The following OSBPL11 variants were observed in gnomAD, a reference collection of about 807,000 sequenced individuals.
The protein encoded by OSBPL11 is oxysterol binding protein like 11.
A neutral mutation model predicts 84.4 loss-of-function variants in OSBPL11; 33 were observed. The observed-to-expected ratio is 0.39, with a 90% CI of 0.30 to 0.52. OSBPL11 has a LOEUF of 0.52. Among genes scored for constraint, OSBPL11 ranks in the 20% least tolerant of loss-of-function variants. The pLI is 0.72. For synonymous variants in OSBPL11, 276 were observed against 310.2 expected, an observed-to-expected ratio of 0.89 and a Z score of 1.16; for missense variants, 736 against 901.1, an observed-to-expected ratio of 0.82 and a Z score of 2.35.
chr3:125,535,109 T>C (rs990819831), intron 11 of OSBPL11, among the ~76,000 whole-genome samples: 2 of 151,878 alleles, frequency 1.3e-5, no homozygotes, highest in Admixed American at 6.6e-5. Flanking sequence ...AATAAACTTT[T>C]AGTCACACTG....
intron 1 of OSBPL11, among the ~76,000 whole-genome samples, chr3:125,588,484 T>C (rs1936548941): frequency 6.6e-6 from 1 of 152,166 alleles, no homozygotes; most frequent in Non-Finnish European, 1.5e-5. Flanking sequence ...TATCTACCTA[T>C]TGGTTCTATT....
chr3:125,566,349 A>C (rs909033636), intron 6 of OSBPL11, among the ~76,000 whole-genome samples: 4 of 151,966 alleles, frequency 2.6e-5, no homozygotes, highest in Admixed American at 6.6e-5. Context: ...TTTCTTCCCT[A>C]AGTGGACTAT....
At chr3:125,575,687 C>A (rs1344645199) in intron 5 of OSBPL11, among the ~76,000 whole-genome samples, 1 of 147,466 alleles carries the variant, frequency 6.8e-6, no homozygotes. Flanking sequence ...ACACCACCAC[C>A]CCCAGCTAAA....
At chr3:125,539,208 C>T (rs1489172801) in intron 10 of OSBPL11, among the ~76,000 whole-genome samples, 1 of 147,732 alleles carries the variant, frequency 6.8e-6, no homozygotes, top group African/African-American at 2.5e-5. Context: ...ATTAAAAGAG[C>T]ACTGGTCTAC....
chr3:125,552,159 A>G (rs750032510), intron 9 of OSBPL11, 22 bp downstream of exon 9: 2 of 1,355,676 alleles, frequency 1.5e-6, no homozygotes, highest in Non-Finnish European at 2.0e-6. Flanking sequence ...ATATATATAT[A>G]TAAAATAATT....
intron 11 of OSBPL11, among the ~76,000 whole-genome samples, chr3:125,537,442 G>A (rs1480143449): frequency 1.3e-5 from 2 of 152,168 alleles, no homozygotes; most frequent in Non-Finnish European, 2.9e-5. Flanking sequence ...TGAACTTGCA[G>A]ATGCCCTGAA....
Position 125,532,008 on chromosome 3 carries a change from C to T in OSBPL11, c.2031G>A (p.Leu677=), listed in dbSNP as rs895159108. Residue 677 remains leucine (L), a synonymous_variant, in exon 12 of 13, where the codon TTG becomes TTA. Coordinates refer to ENST00000296220, the MANE Select transcript of OSBPL11 (RefSeq NM_022776.5). ...TCAGCGAGTCTGTCACATTTTTCCACAATCGCCTGAAATCCAAAAACCACA... is the reference window on the plus strand; with the variant it reads ...TCAGCGAGTCTGTCACATTTTTCCATAATCGCCTGAAATCCAAAAACCACA... ...EKQDPFESRR[L]WKNVTDSLRE... is the part of the protein sequence containing the mutation. The T allele has an allele frequency of 3.1e-6, 5 of 1,600,966 alleles. No individual in the cohort carries two copies. The African/African-American group carries it at 4.0e-5, about 13-fold the overall frequency.
intron 8 of OSBPL11, among the ~76,000 whole-genome samples, chr3:125,560,058 GA>G (rs1296640554): frequency 1.3e-5 from 2 of 151,906 alleles, no homozygotes; most frequent in Non-Finnish European, 1.5e-5. Context: ...TCAGGAGCTC[GA>G]GACCCGCCTG....
At chr3:125,585,719 G>A in intron 1 of OSBPL11, among the ~76,000 whole-genome samples, 1 of 152,158 alleles carries the variant, frequency 6.6e-6, no homozygotes, top group East Asian at 1.9e-4. Flanking sequence ...GGAACAGCTG[G>A]TTGCAATGTC....
chr3:125,555,908 C>A (rs2922187), intron 8 of OSBPL11, among the ~76,000 whole-genome samples: 13,117 of 152,108 alleles, frequency 0.086, 1,105 homozygotes, highest in African/African-American at 0.22. Flanking sequence ...GTCTCAAACT[C>A]CTGGCCTCAA....
chr3:125,570,147 G>T (rs992471631), intron 5 of OSBPL11, among the ~76,000 whole-genome samples: 2 of 151,924 alleles, frequency 1.3e-5, no homozygotes, highest in African/African-American at 2.4e-5. Context: ...TTGTGTAGAA[G>T]GCCCAAAAGA....
intron 2 of OSBPL11, among the ~76,000 whole-genome samples, chr3:125,580,312 C>T (rs1415061413): frequency 6.6e-6 from 1 of 151,840 alleles, no homozygotes; most frequent in Non-Finnish European, 1.5e-5. Context: ...GTCAGGAGTT[C>T]GAGATCAGCC....
Position 125,530,271 on chromosome 3 carries a change from C to T in OSBPL11, c.*244G>A. On this transcript the variant is annotated 3_prime_UTR_variant, in exon 13 of 13. Transcript: ENST00000296220. ...TGGATAAAAGATTCATCTACTGATT[C>T]AGGTAACAAGTTTTAAGATGGTATT... 2.2e-6 allele frequency: 1 copy of T among 459,470 alleles called. No homozygotes were observed. The allele number at this position is 459,470 out of a possible 1,614,324, so 28.5% of individuals were successfully genotyped here. A position where few individuals can be genotyped will look rare whatever the true frequency, so the allele number is the denominator to read the frequency against.
chr3:125,537,873 A>C (rs1183038867), intron 11 of OSBPL11, among the ~76,000 whole-genome samples: 1 of 152,218 alleles, frequency 6.6e-6, no homozygotes, highest in Non-Finnish European at 1.5e-5. Flanking sequence ...TTTATTTTTC[A>C]AGGTCTATGA....
chr3:125,533,019 G>C (rs1372587770), intron 11 of OSBPL11, among the ~76,000 whole-genome samples: 2 of 151,848 alleles, frequency 1.3e-5, no homozygotes, highest in African/African-American at 4.8e-5. Flanking sequence ...GTGGTTCTCT[G>C]GGCTGGGGGT....
chr3:125,573,176 T>C (rs952050416), intron 5 of OSBPL11, among the ~76,000 whole-genome samples: 24 of 151,948 alleles, frequency 1.6e-4, no homozygotes, highest in Admixed American at 3.9e-4. Context: ...GTTTTAGTGA[T>C]GGTTCCTTGA....
At chr3:125,560,131 G>A (rs1196351159) in intron 8 of OSBPL11, among the ~76,000 whole-genome samples, 2 of 151,804 alleles carry the variant, frequency 1.3e-5, no homozygotes, top group Non-Finnish European at 2.9e-5. Context: ...CATGGTGGTG[G>A]GCACCTGTAA....
chr3:125,538,743 T>C, intron 10 of OSBPL11, 110 bp from the exon 11 acceptor site: 1 of 884,182 alleles, frequency 1.1e-6, no homozygotes, highest in Non-Finnish European at 1.7e-6. Context: ...ATTAGTTATA[T>C]ACCTCACTTC....
At position 125,529,684 on chromosome 3, in the gene OSBPL11, C is replaced by T. The variant is rs889711363; in HGVS notation, c.*831G>A. Reference sequence around the variant, plus strand: ...TTAATATTTGCTATTTTCTTTAATGCCTTAGTTCTGGAGAAAGGCTAAAAT... The same window carrying T: ...TTAATATTTGCTATTTTCTTTAATGTCTTAGTTCTGGAGAAAGGCTAAAAT... On this transcript the variant is annotated 3_prime_UTR_variant, in exon 13 of 13. Coordinates refer to ENST00000296220, the MANE Select transcript of OSBPL11 (RefSeq NM_022776.5). The T allele has an allele frequency of 7.2e-5, 11 of 152,466 alleles. No homozygotes were observed. The highest frequency in any genetic ancestry group is 2.7e-4 in the African/African-American group (11 of 41,412). 9.4% of individuals were successfully genotyped at this position (152,466 alleles called of 1,614,324 possible).
Sources: gnomAD v4.1 joint callset for allele counts (sites outside exome capture counted in the v4.1 genomes callset) on GRCh38, gnomAD v4.1.1 for gene constraint, MANE v1.5 for transcripts, NCBI Gene and HGNC (gene_info 2026-07-23, HGNC 2026-07-21) for gene names.